AGBL4: variants seen among roughly 807,000 people sequenced by gnomAD.
AGBL4 encodes cytosolic carboxypeptidase 6.
A neutral mutation model predicts 66.4 loss-of-function variants in AGBL4; 58 were observed. That is an observed-to-expected ratio of 0.87 (90% CI 0.71 to 1.09). The LOEUF (loss-of-function observed/expected upper bound fraction) is 1.09, where lower values mean the gene tolerates loss of function less well. Among genes scored for constraint, AGBL4 ranks in the 50% least tolerant of loss-of-function variants. The pLI is 0.00. For synonymous variants in AGBL4, 234 were observed against 222.9 expected (o/e 1.05, Z -0.44); for missense variants, 579 against 631.0 (o/e 0.92, Z 0.88).
chr1:48,997,499 G>A (rs937508513), intron 5 of AGBL4, among the ~76,000 whole-genome samples: 6 of 152,044 alleles, frequency 3.9e-5, no homozygotes, highest in Non-Finnish European at 2.9e-5. Context: ...AGAAAAACAC[G>A]CAGCATACAA....
At chr1:49,065,855 G>T (rs1449673560) in intron 4 of AGBL4, among the ~76,000 whole-genome samples, 1 of 152,202 alleles carries the variant, frequency 6.6e-6, no homozygotes, top group Non-Finnish European at 1.5e-5. Context: ...ATTCCTTTCT[G>T]AGAGTTCTAG....
intron 3 of AGBL4, among the ~76,000 whole-genome samples, chr1:49,280,769 C>T (rs1004042443): frequency 6.6e-6 from 1 of 152,154 alleles, no homozygotes; most frequent in Non-Finnish European, 1.5e-5. Context: ...TCTGCTTATA[C>T]GATCTAAACT....
intron 2 of AGBL4, among the ~76,000 whole-genome samples, chr1:49,814,844 C>T (rs949332074): frequency 6.6e-6 from 1 of 151,996 alleles, no homozygotes; most frequent in African/African-American, 2.4e-5. Context: ...CAAATGGTGT[C>T]AAAATATGAA....
chr1:48,989,182 A>G (rs1660413403), intron 5 of AGBL4, among the ~76,000 whole-genome samples: 1 of 152,134 alleles, frequency 6.6e-6, no homozygotes, highest in Admixed American at 6.5e-5. Flanking sequence ...GTCTAAATGT[A>G]CGGGTGTGTT....
intron 4 of AGBL4, among the ~76,000 whole-genome samples, chr1:49,244,248 C>G (rs1225166249): frequency 6.6e-6 from 1 of 151,766 alleles, no homozygotes; most frequent in Non-Finnish European, 1.5e-5. Context: ...AGCAAATCAA[C>G]AGTGATGTCC....
At chr1:49,785,893 A>ATATAT (rs1553122705) in intron 2 of AGBL4, among the ~76,000 whole-genome samples, 1 of 140,916 alleles carries the variant, frequency 7.1e-6, no homozygotes, top group African/African-American at 2.6e-5. Context: ...GGAAAAAAAA[A>ATATAT]ATATATATAT....
chr1:49,040,234 T>A (rs1399072458), intron 5 of AGBL4, among the ~76,000 whole-genome samples: 1 of 152,044 alleles, frequency 6.6e-6, no homozygotes, highest in Non-Finnish European at 1.5e-5. Context: ...ATGATCAATA[T>A]AATTAGTCAT....
rs182282472 is a variant in AGBL4, at chr1:49,843,773, T to A, written c.157+7623A>T. Among the ~76,000 whole-genome samples, 353 of 152,224 alleles carry A rather than the reference T, an allele frequency of 2.3e-3. 1 individual carries two copies. Among genetic ancestry groups the A allele is most frequent in the South Asian group, 1.0e-2 (48 of 4,820 alleles). On this transcript the variant is annotated intron_variant, in intron 2 of 13. Coordinates refer to ENST00000371839, the MANE Select transcript of AGBL4 (RefSeq NM_032785.4). Reference sequence around the variant, plus strand: ...AGTCACCCCTGGCTTACCTTTTTTTTAAAAATTGAACTTTTCACTGAAGTA... The same window carrying A: ...AGTCACCCCTGGCTTACCTTTTTTTAAAAAATTGAACTTTTCACTGAAGTA...
chr1:49,287,661 G>A (rs960678291), intron 3 of AGBL4, among the ~76,000 whole-genome samples: 14 of 152,226 alleles, frequency 9.2e-5, no homozygotes, highest in Admixed American at 9.1e-4. Context: ...AAACCACAAT[G>A]AGATACCATC....
intron 6 of AGBL4, among the ~76,000 whole-genome samples, chr1:48,857,389 C>A (rs529063057): frequency 3.3e-4 from 51 of 152,280 alleles, no homozygotes; most frequent in Non-Finnish European, 6.0e-4. Flanking sequence ...GGATCTAATA[C>A]CTAAATTTAA....
chr1:50,021,613 C>T lies in AGBL4; in HGVS notation c.34+2150G>A, dbSNP rs180811845. Among the ~76,000 whole-genome samples the T allele has an allele frequency of 4.0e-4, 61 of 152,220 alleles. No individual in the cohort carries two copies. The East Asian group carries it at 8.1e-3, about 20-fold the overall frequency. ...CATCATCCTCATATTTCACTAAGTCCTATTAATTTTATCTCCTAAGTATTT... is the reference window on the plus strand; with the variant it reads ...CATCATCCTCATATTTCACTAAGTCTTATTAATTTTATCTCCTAAGTATTT... On this transcript the variant is annotated intron_variant, in intron 1 of 13. Coordinates refer to ENST00000371839, the MANE Select transcript of AGBL4 (RefSeq NM_032785.4).
intron 1 of AGBL4, among the ~76,000 whole-genome samples, chr1:49,989,343 G>T (rs1036847787): frequency 1.3e-5 from 2 of 152,142 alleles, no homozygotes; most frequent in African/African-American, 4.8e-5. Flanking sequence ...GGCAGGAAAG[G>T]CTCCAATGGG....
intron 3 of AGBL4, among the ~76,000 whole-genome samples, chr1:49,578,748 T>A (rs574133026): frequency 5.7e-4 from 86 of 152,212 alleles, no homozygotes; most frequent in Non-Finnish European, 8.1e-4. Flanking sequence ...TTAATTGTAA[T>A]TATGACCTTT....
rs75381423 is a variant in AGBL4 at position 48,544,833 on chromosome 1, C to T, written c.1268-5095G>A. Among the ~76,000 whole-genome samples the T allele has an allele frequency of 6.0e-4, 91 of 152,248 alleles. 1 individual carries two copies. Among genetic ancestry groups the T allele is most frequent in the African/African-American group, 2.1e-3 (88 of 41,552 alleles). On this transcript the variant is annotated intron_variant, in intron 11 of 13. Transcript: ENST00000371839. ...CAGCCATTGTCTGACTGCAACACAC[C>T]ACTCTTCAAGCTAGAACCACTCAGC...
chr1:49,635,310 A>C (rs1270645946), intron 3 of AGBL4, among the ~76,000 whole-genome samples: 2 of 152,210 alleles, frequency 1.3e-5, no homozygotes, highest in African/African-American at 4.8e-5. Flanking sequence ...AAACAAAGGC[A>C]AGCATTCTCA....
At chr1:49,436,227 G>C (rs766904417) in intron 3 of AGBL4, among the ~76,000 whole-genome samples, 10 of 152,170 alleles carry the variant, frequency 6.6e-5, no homozygotes, top group Non-Finnish European at 1.0e-4. Context: ...GTTTGAAAGA[G>C]AGTGGTCATC....
intron 4 of AGBL4, among the ~76,000 whole-genome samples, chr1:49,242,228 G>C (rs72684839): frequency 1.3e-5 from 2 of 151,968 alleles, no homozygotes; most frequent in African/African-American, 2.4e-5. Flanking sequence ...CCAAGATCTA[G>C]CACAGAGTAG....
At chr1:49,812,727 T>G (rs981673238) in intron 2 of AGBL4, among the ~76,000 whole-genome samples, 1 of 152,180 alleles carries the variant, frequency 6.6e-6, no homozygotes, top group Non-Finnish European at 1.5e-5. Context: ...TTGATAAATG[T>G]TAATTTTCTA....
At chr1:48,821,704 A>T (rs55983959) in intron 6 of AGBL4, among the ~76,000 whole-genome samples, 3,000 of 152,322 alleles carry the variant, frequency 0.02, 54 homozygotes, top group Non-Finnish European at 0.033. Flanking sequence ...TATGCAATAT[A>T]TCCATGTAAC....
Sources: gnomAD v4.1 joint callset for allele counts (sites outside exome capture counted in the v4.1 genomes callset) on GRCh38, gnomAD v4.1.1 for gene constraint, MANE v1.5 for transcripts, NCBI Gene and HGNC (gene_info 2026-07-23, HGNC 2026-07-21) for gene names.